CATSPERG: variants seen among roughly 807,000 people sequenced by gnomAD.
The protein encoded by CATSPERG is cation channel sperm-associated auxiliary subunit gamma.
CATSPERG carries 115 observed loss-of-function variants against 145.0 expected under a neutral mutation model. That is an observed-to-expected ratio of 0.79 (90% CI 0.68 to 0.93). CATSPERG has a LOEUF of 0.93. Ranked by LOEUF, CATSPERG falls within the 40% of genes least tolerant of loss-of-function variation. The probability of loss-of-function intolerance (pLI) is 0.00; values close to 1 mark genes in which losing one functional copy is unlikely to be tolerated. For synonymous variants in CATSPERG, 588 were observed against 589.0 expected, an observed-to-expected ratio of 1.00 and a Z score of 0.02; for missense variants, 1,296 against 1,490.1, an observed-to-expected ratio of 0.87 and a Z score of 2.14.
intron 3 of CATSPERG, among the ~76,000 whole-genome samples, chr19:38,342,152 G>A (rs1600444701): frequency 6.7e-6 from 1 of 150,056 alleles, no homozygotes; most frequent in Non-Finnish European, 1.5e-5. Flanking sequence ...AAGGCTGGAG[G>A]ATTGCTTGAG....
intron 6 of CATSPERG, among the ~76,000 whole-genome samples, chr19:38,345,018 C>CA (rs1970016090): frequency 6.7e-6 from 1 of 148,214 alleles, no homozygotes; most frequent in Admixed American, 6.8e-5. Context: ...GCAATACTCC[C>CA]ACCTCAGCCT....
intron 8 of CATSPERG, 58 bp from the exon 9 acceptor site, chr19:38,354,652 G>T: frequency 6.3e-7 from 1 of 1,587,358 alleles, no homozygotes; most frequent in Admixed American, 1.8e-5. Context: ...ATGTGGGCAG[G>T]GGGCAGAGGC....
At chr19:38,347,569 C>T (rs887771029) in intron 7 of CATSPERG, among the ~76,000 whole-genome samples, 1 of 152,136 alleles carries the variant, frequency 6.6e-6, no homozygotes, top group African/African-American at 2.4e-5. Context: ...TTGGCTTCAG[C>T]GACAGAACTA....
At position 38,367,196 on chromosome 19, in the gene CATSPERG, G is replaced by T. The variant is rs1474911075; in HGVS notation, c.2654G>T (p.Gly885Val). ...MVPVFIGCPP[G>V]KRLAFDITYT... ...CCAGTGTTCATTGGCTGCCCCCCAG[G>T]CAAGCGCCTGGCCTTCGACATCACC... The change falls in exon 23 of 29, where the codon GGC (glycine) becomes GTC (valine). Residue 885 changes from glycine to valine, a missense_variant. Transcript: ENST00000409235. 1.2e-6 allele frequency: 2 copies of T among 1,613,600 alleles called. No homozygotes were observed. Among genetic ancestry groups the T allele is most frequent in the African/African-American group, 2.7e-5 (2 of 74,818 alleles).
intron 1 of CATSPERG, chr19:38,336,551 G>C (rs1021671874): frequency 1.7e-5 from 5 of 301,692 alleles, no homozygotes; most frequent in African/African-American, 1.1e-4. Context: ...GCAGGGGCGG[G>C]GCCCGGAGAC....
At position 38,367,522 on chromosome 19, in the gene CATSPERG, C is replaced by A; in HGVS notation, c.2784C>A (p.Phe928Leu). The change falls in exon 24 of 29, where the codon TTC becomes TTA. Residue 928 changes from phenylalanine (F) to leucine (L), a missense_variant. Physicochemically the swap from Phe to Leu is conservative, Grantham distance 22. Transcript: ENST00000409235. ...CFLFRDIFYP[F>L]FLIQDLVTGD... ...CCAACCCCATAGTTTTCTACCCCTT[C>A]TTCTTGATTCAAGATTTGGTGACAG... 1 of 1,614,122 alleles carries A rather than the reference C, an allele frequency of 6.2e-7. No individual in the cohort carries two copies. The highest frequency in any genetic ancestry group is 8.5e-7 in the Non-Finnish European group (1 of 1,179,996).
Position 38,353,843 on chromosome 19 carries a change from T to C in CATSPERG, c.998-867T>C, listed in dbSNP as rs1246225504. On this transcript the variant is annotated intron_variant, in intron 8 of 28. Coordinates refer to ENST00000409235, the MANE Select transcript of CATSPERG (RefSeq NM_021185.5). The stretch of plus-strand genomic sequence containing the variant: ...CCCGTCTCTACTAAAAATACAAAAA[T>C]TAGCTGGGTGTGGTGGCATGTGCCT... 7.9e-5 allele frequency among the ~76,000 whole-genome samples: 12 copies of C among 151,006 alleles called. No homozygotes were observed. In the South Asian group the frequency reaches 2.5e-3, roughly 32 times the overall value.
rs758983649 is a variant in CATSPERG, at chr19:38,370,701, G to C, written c.3389G>C (p.Arg1130Thr). Residue 1130 changes from arginine to threonine, a missense_variant, in exon 29 of 29, where the codon AGA becomes ACA. Transcript: ENST00000409235. Reference sequence around the variant, plus strand: ...GGAATCTCGAGCATGCCGTCTCTGAGACATTCCAGGATGGGCTCCATGTTC... The same window carrying C: ...GGAATCTCGAGCATGCCGTCTCTGACACATTCCAGGATGGGCTCCATGTTC... The part of the protein sequence containing the change: ...ISGISSMPSL[R>T]HSRMGSMFSS... 1.2e-5 allele frequency: 20 copies of C among 1,613,904 alleles called. No individual in the cohort carries two copies. Among genetic ancestry groups the C allele is most frequent in the Non-Finnish European group, 1.7e-5 (20 of 1,180,032 alleles).
Position 38,352,645 on chromosome 19 carries a change from C to T in CATSPERG, c.997+213C>T, listed in dbSNP as rs948637070. On this transcript the variant is annotated intron_variant, in intron 8 of 28. Coordinates refer to ENST00000409235, the MANE Select transcript of CATSPERG (RefSeq NM_021185.5). ...GCTGGGATGAGGCTTCCACCCAGAC[C>T]CTCCTGGGAATTGTGAGCAGCTGTG... 16 of 577,924 alleles carry T rather than the reference C, an allele frequency of 2.8e-5. No homozygotes were observed. In the African/African-American group the frequency reaches 2.9e-4, roughly 11 times the overall value. The allele number at this position is 577,924 out of a possible 1,614,324, so 35.8% of individuals were successfully genotyped here.
intron 9 of CATSPERG, 123 bp downstream of exon 9, chr19:38,354,970 T>C: frequency 8.8e-7 from 1 of 1,133,256 alleles, no homozygotes; most frequent in East Asian, 2.4e-5. Flanking sequence ...AGGCTGAGGG[T>C]GATGGTGGTG....
At chr19:38,351,928 C>T (rs934381671) in intron 7 of CATSPERG, among the ~76,000 whole-genome samples, 5 of 152,052 alleles carry the variant, frequency 3.3e-5, no homozygotes, top group Admixed American at 6.6e-5. Context: ...TCCCTTGGGG[C>T]GAGCATGGGG....
rs1970372779 is a variant in CATSPERG, at chr19:38,362,739, G to GGTGGAC, written c.2387_2392dup (p.Asp796_Val797dup). On this transcript the variant is annotated inframe_insertion, in exon 20 of 29. Transcript: ENST00000409235. ...GCACCGCCTTCCAGCTGCATAGCCA[G>GGTGGAC]GTGGACGTGGGCGTGGTGCTGGCCG... The GGTGGAC allele has an allele frequency of 1.2e-6, 2 of 1,614,106 alleles. No homozygotes were observed. Among genetic ancestry groups the GGTGGAC allele is most frequent in the Admixed American group, 3.3e-5 (2 of 60,014 alleles).
chr19:38,369,378 A>G, intron 26 of CATSPERG: 1 of 175,522 alleles, frequency 5.7e-6, no homozygotes, highest in South Asian at 9.9e-5. Context: ...CTCCCAACTC[A>G]GCCTCCTGTG....
chr19:38,343,633 G>T lies in CATSPERG; in HGVS notation c.378G>T (p.Val126=), dbSNP rs1199432480. 1.3e-6 allele frequency: 2 copies of T among 1,551,426 alleles called. No individual in the cohort carries two copies. The highest frequency in any genetic ancestry group is 1.4e-5 in the African/African-American group (1 of 73,058). Reference sequence around the variant, plus strand: ...ACCTGACGGGGCTAAAGCCCCTGGTGCTGGTCACCTTCCAGTCCCCAGTCA... The same window carrying T: ...ACCTGACGGGGCTAAAGCCCCTGGTTCTGGTCACCTTCCAGTCCCCAGTCA... ...MGHLTGLKPL[V]LVTFQSPVNF... Residue 126 remains valine (V), a synonymous_variant, in exon 4 of 29, where the codon GTG becomes GTT. Coordinates refer to ENST00000409235, the MANE Select transcript of CATSPERG (RefSeq NM_021185.5).
intron 7 of CATSPERG, among the ~76,000 whole-genome samples, chr19:38,351,224 G>A (rs1225035562): frequency 6.6e-6 from 1 of 152,178 alleles, no homozygotes; most frequent in Non-Finnish European, 1.5e-5. Context: ...ACTTTCCAAT[G>A]AGGCTGAGGC....
intron 11 of CATSPERG, 69 bp downstream of exon 11, chr19:38,356,930 C>T: frequency 6.3e-7 from 1 of 1,582,132 alleles, no homozygotes; most frequent in East Asian, 2.2e-5. Flanking sequence ...GCATGCCCAT[C>T]CTGAGGGATC....
At chr19:38,363,350 A>AT (rs1248349193) in intron 20 of CATSPERG, among the ~76,000 whole-genome samples, 2 of 151,484 alleles carry the variant, frequency 1.3e-5, no homozygotes, top group Non-Finnish European at 1.5e-5. Flanking sequence ...TTAACTTTTT[A>AT]TTTTTTGTAG....
At chr19:38,353,100 G>A (rs1053400328) in intron 8 of CATSPERG, among the ~76,000 whole-genome samples, 3 of 150,680 alleles carry the variant, frequency 2.0e-5, no homozygotes, top group East Asian at 2.0e-4. Context: ...TTGGGAGGCC[G>A]AGGCGGGTGG....
chr19:38,367,652 C>G (rs778334555), intron 24 of CATSPERG, 29 bp from the exon 25 acceptor site: 16 of 1,612,778 alleles, frequency 9.9e-6, no homozygotes, highest in Non-Finnish European at 1.3e-5. Flanking sequence ...ACCCGGAGGC[C>G]AGTCTGTGTG....
Sources: gnomAD v4.1 joint callset for allele counts (sites outside exome capture counted in the v4.1 genomes callset) on GRCh38, gnomAD v4.1.1 for gene constraint, MANE v1.5 for transcripts, NCBI Gene and HGNC (gene_info 2026-07-23, HGNC 2026-07-21) for gene names.